Variants in TLR6 observed in about 807,000 individuals in gnomAD.
TLR6 encodes toll like receptor 6.
TLR6 carries 9 observed loss-of-function variants against 16.1 expected under a neutral mutation model. That is an observed-to-expected ratio of 0.56 (90% CI 0.34 to 0.98). TLR6 has a LOEUF of 0.98. Ranked by LOEUF, TLR6 falls within the 50% of genes least tolerant of loss-of-function variation. The pLI is 0.02. For synonymous variants in TLR6, 340 were observed against 338.6 expected (o/e 1.00, Z -0.04); for missense variants, 786 against 921.0 (o/e 0.85, Z 1.90).
At chr4:38,841,498 G>A (rs768991593) in intron 1 of TLR6, among the ~76,000 whole-genome samples, 7 of 152,222 alleles carry the variant, frequency 4.6e-5, no homozygotes, top group Non-Finnish European at 7.3e-5. Flanking sequence ...GGCTGAAGTG[G>A]AGGATGGCTT....
At chr4:38,834,560 T>G (rs1711805430) in intron 1 of TLR6, among the ~76,000 whole-genome samples, 1 of 152,048 alleles carries the variant, frequency 6.6e-6, no homozygotes, top group African/African-American at 2.4e-5. Context: ...CCAAGTAGAT[T>G]TAATTCAAAA....
chr4:38,844,143 T>G (rs1255863003), intron 1 of TLR6, among the ~76,000 whole-genome samples: 1 of 152,190 alleles, frequency 6.6e-6, no homozygotes, highest in Non-Finnish European at 1.5e-5. Flanking sequence ...GAGCTGGACA[T>G]GGGGCAGGGA....
At chr4:38,851,069 T>G (rs376523214) in intron 1 of TLR6, among the ~76,000 whole-genome samples, 31,884 of 151,438 alleles carry the variant, frequency 0.21, 3,857 homozygotes, top group Non-Finnish European at 0.28. Context: ...TGCAAGGCTG[T>G]TTCAACATAC....
At chr4:38,852,927 C>T (rs1029964602) in intron 1 of TLR6, among the ~76,000 whole-genome samples, 1 of 152,096 alleles carries the variant, frequency 6.6e-6, no homozygotes, top group Non-Finnish European at 1.5e-5. Flanking sequence ...AAGATACATG[C>T]ACACACATGT....
intron 1 of TLR6, among the ~76,000 whole-genome samples, chr4:38,841,192 A>C (rs1461407007): frequency 4.0e-5 from 3 of 75,276 alleles, no homozygotes; most frequent in South Asian, 9.5e-4. Flanking sequence ...AATTTTGTAA[A>C]GACTATTTAG....
intron 1 of TLR6, among the ~76,000 whole-genome samples, chr4:38,842,726 C>T (rs1012305437): frequency 1.3e-5 from 2 of 152,236 alleles, no homozygotes; most frequent in Admixed American, 6.5e-5. Flanking sequence ...GGCCGCCTGT[C>T]CTCATGACCT....
At chr4:38,842,304 G>A (rs1712302566) in intron 1 of TLR6, among the ~76,000 whole-genome samples, 1 of 152,168 alleles carries the variant, frequency 6.6e-6, no homozygotes, top group Admixed American at 6.5e-5. Context: ...TATATCTTAA[G>A]GAGGAACTAC....
upstream of TLR6, among the ~76,000 whole-genome samples, chr4:38,858,831 GGAAGAAAGA>G (rs1713114669): frequency 9.6e-5 from 5 of 51,960 alleles, no homozygotes; most frequent in African/African-American, 3.4e-4. Flanking sequence ...GAGAGAGAGA[GGAAGAAAGA>G]AAGAAAGAAA....
chr4:38,828,937 T>C (rs748670640), exon 2 of TLR6: 3 of 1,609,812 alleles, frequency 1.9e-6, no homozygotes, highest in Admixed American at 3.4e-5. Context: ...TATAATAATT[T>C]CTTAAATCCA....
At chr4:38,830,652 C>T (rs758236825) in intron 1 of TLR6, among the ~76,000 whole-genome samples, 4 of 152,040 alleles carry the variant, frequency 2.6e-5, no homozygotes, top group Non-Finnish European at 5.9e-5. Context: ...GAAGTCGAGG[C>T]TCCAATGAGC....
the TLR6 span, among the ~76,000 whole-genome samples, chr4:38,866,219 C>T: frequency 4.2e-4 from 62 of 148,422 alleles, no homozygotes; most frequent in African/African-American, 1.5e-3. Context: ...TAGCCAGGCA[C>T]GGTGGCTCAT....
intron 1 of TLR6, among the ~76,000 whole-genome samples, chr4:38,853,409 C>T (rs900403976): frequency 5.3e-5 from 8 of 151,620 alleles, no homozygotes; most frequent in Non-Finnish European, 1.0e-4. Context: ...ACACATTGTT[C>T]TTTCCGGAAG....
At chr4:38,848,414 C>T (rs143736264) in intron 1 of TLR6, among the ~76,000 whole-genome samples, 4,769 of 152,312 alleles carry the variant, frequency 0.031, 219 homozygotes, top group African/African-American at 0.087. Flanking sequence ...TCGCCAGCAA[C>T]GGAACAAAGC....
chr4:38,863,831 T>C, the TLR6 span, among the ~76,000 whole-genome samples: 1 of 152,144 alleles, frequency 6.6e-6, no homozygotes, highest in Admixed American at 6.5e-5. Flanking sequence ...CTTCACCCAA[T>C]TCCAATATGA....
intron 1 of TLR6, among the ~76,000 whole-genome samples, chr4:38,851,479 T>C (rs1712770984): frequency 6.6e-6 from 1 of 152,218 alleles, no homozygotes; most frequent in Admixed American, 6.5e-5. Flanking sequence ...ATAGTATATT[T>C]AGAAAACCCC....
At chr4:38,860,407 G>T (rs920299850), upstream of TLR6, among the ~76,000 whole-genome samples, 4 of 152,048 alleles carry the variant, frequency 2.6e-5, no homozygotes, top group Non-Finnish European at 5.9e-5. Context: ...AGGAGGCGGA[G>T]GTTGCTGTGA....
chr4:38,865,176 TA>T, the TLR6 span, among the ~76,000 whole-genome samples: 2 of 152,220 alleles, frequency 1.3e-5, no homozygotes, highest in African/African-American at 4.8e-5. Context: ...AAAATTTTGT[TA>T]AATCTAGATA....
intron 1 of TLR6, among the ~76,000 whole-genome samples, chr4:38,852,639 A>G (rs1712815151): frequency 6.6e-6 from 1 of 152,192 alleles, no homozygotes; most frequent in South Asian, 2.1e-4. Flanking sequence ...AATGCTCATC[A>G]TCACTGGCCA....
downstream of TLR6, chr4:38,823,603 G>A (rs1372714447): frequency 6.6e-6 from 1 of 152,254 alleles, no homozygotes; most frequent in South Asian, 2.1e-4. Flanking sequence ...CATTGGACGG[G>A]GGAATGAGAA....
Sources: gnomAD v4.1 joint callset for allele counts (sites outside exome capture counted in the v4.1 genomes callset) on GRCh38, gnomAD v4.1.1 for gene constraint, MANE v1.5 for transcripts, NCBI Gene and HGNC (gene_info 2026-07-23, HGNC 2026-07-21) for gene names.